The following NRXN1 variants were observed in gnomAD, a reference collection of about 807,000 sequenced individuals.
NRXN1 encodes neurexin 1, also known as neurexin-1.
NRXN1 carries 39 observed loss-of-function variants against 150.9 expected under a neutral mutation model. The observed-to-expected ratio is 0.26, with a 90% confidence interval of 0.20 to 0.34. The LOEUF (loss-of-function observed/expected upper bound fraction) is 0.34, where lower values mean the gene tolerates loss of function less well. Among genes scored for constraint, NRXN1 ranks in the 10% least tolerant of loss-of-function variants. The pLI, the probability that NRXN1 is intolerant of heterozygous loss-of-function variation, is 1.00. For synonymous variants in NRXN1, 924 were observed against 757.0 expected, an observed-to-expected ratio of 1.22 and a Z score of -3.62; for missense variants, 1,815 against 1,949.9, an observed-to-expected ratio of 0.93 and a Z score of 1.30.
At chr2:50,155,185 C>G (rs541142125) in intron 18 of NRXN1, among the ~76,000 whole-genome samples, 34 of 151,694 alleles carry the variant, frequency 2.2e-4, no homozygotes, top group Admixed American at 1.8e-3. Flanking sequence ...AAAGAAGACA[C>G]TAAAATACTA....
chr2:50,140,555 C>T (rs930353406), intron 18 of NRXN1, among the ~76,000 whole-genome samples: 10 of 152,092 alleles, frequency 6.6e-5, no homozygotes, highest in South Asian at 2.1e-4. Flanking sequence ...AAAGTATTGC[C>T]GACAGGAGAG....
intron 17 of NRXN1, among the ~76,000 whole-genome samples, chr2:50,422,330 C>T (rs542021147): frequency 6.6e-6 from 1 of 152,074 alleles, no homozygotes; most frequent in African/African-American, 2.4e-5. Flanking sequence ...AGAGTAAAAA[C>T]AAAGAAAAAC....
intron 5 of NRXN1, among the ~76,000 whole-genome samples, chr2:50,737,837 A>G (rs1393574490): frequency 6.6e-6 from 1 of 152,112 alleles, no homozygotes; most frequent in African/African-American, 2.4e-5. Context: ...TAGCCCAAAA[A>G]CATTACAACA....
intron 17 of NRXN1, among the ~76,000 whole-genome samples, chr2:50,317,932 T>C (rs1338296559): frequency 6.6e-6 from 1 of 151,976 alleles, no homozygotes; most frequent in Non-Finnish European, 1.5e-5. Flanking sequence ...AAGGTAGAGG[T>C]AGAAAAGTAT....
At chr2:50,529,587 AC>A (rs1463801914) in intron 11 of NRXN1, among the ~76,000 whole-genome samples, 1 of 152,240 alleles carries the variant, frequency 6.6e-6, no homozygotes, top group East Asian at 1.9e-4. Flanking sequence ...AAAAAAATAA[AC>A]CTAGATTCTG....
chr2:50,907,681 C>T (rs1457883484), intron 5 of NRXN1, among the ~76,000 whole-genome samples: 2 of 151,968 alleles, frequency 1.3e-5, no homozygotes, highest in African/African-American at 2.4e-5. Context: ...TGCAAGGTTA[C>T]TGGCTTTGAA....
intron 18 of NRXN1, among the ~76,000 whole-genome samples, chr2:50,134,938 A>C (rs1036310843): frequency 1.3e-5 from 2 of 152,218 alleles, no homozygotes; most frequent in Admixed American, 1.3e-4. Flanking sequence ...TAAAAATATG[A>C]GCAGACAGAT....
At chr2:50,210,035 T>C (rs1446055469) in intron 18 of NRXN1, among the ~76,000 whole-genome samples, 3 of 151,978 alleles carry the variant, frequency 2.0e-5, no homozygotes, top group African/African-American at 7.2e-5. Flanking sequence ...AAACCAAAAT[T>C]ATAATTACTT....
chr2:50,365,270 A>C (rs1254892945), intron 17 of NRXN1, among the ~76,000 whole-genome samples: 1 of 152,114 alleles, frequency 6.6e-6, no homozygotes, highest in African/African-American at 2.4e-5. Context: ...GTTGGTAATA[A>C]ATTCAGATTT....
intron 17 of NRXN1, among the ~76,000 whole-genome samples, chr2:50,402,661 G>GT (rs112419475): frequency 0.012 from 1,880 of 152,166 alleles, 44 homozygotes; most frequent in African/African-American, 0.041. Flanking sequence ...TGTGCATATT[G>GT]TTTTTTGTCT....
At chr2:50,306,784 G>A (rs1170131461) in intron 17 of NRXN1, among the ~76,000 whole-genome samples, 1 of 152,174 alleles carries the variant, frequency 6.6e-6, no homozygotes, top group Non-Finnish European at 1.5e-5. Flanking sequence ...ATTCCAGAGT[G>A]TTGGCTTAGA....
At chr2:50,403,087 T>G (rs1167561633) in intron 17 of NRXN1, among the ~76,000 whole-genome samples, 1 of 152,122 alleles carries the variant, frequency 6.6e-6, no homozygotes, top group East Asian at 1.9e-4. Flanking sequence ...GCATGGTTGC[T>G]GAGCTATCAG....
chr2:50,815,058 G>A (rs1032362401), intron 5 of NRXN1, among the ~76,000 whole-genome samples: 3 of 152,048 alleles, frequency 2.0e-5, no homozygotes, highest in African/African-American at 7.2e-5. Context: ...CAGATGAACT[G>A]ACATACTCTT....
At chr2:50,181,535 T>C (rs2152811341) in intron 18 of NRXN1, among the ~76,000 whole-genome samples, 1 of 152,210 alleles carries the variant, frequency 6.6e-6, no homozygotes, top group East Asian at 1.9e-4. Context: ...TGGGCCTCCT[T>C]TGCCTCACTG....
chr2:50,694,414 C>T (rs2104905246), intron 5 of NRXN1, among the ~76,000 whole-genome samples: 1 of 152,246 alleles, frequency 6.6e-6, no homozygotes, highest in East Asian at 1.9e-4. Context: ...CAGTCAACTT[C>T]TAAGCTGTAT....
At chr2:50,408,871 C>CAT (rs2082948177) in intron 17 of NRXN1, among the ~76,000 whole-genome samples, 1 of 151,244 alleles carries the variant, frequency 6.6e-6, no homozygotes, top group Admixed American at 6.6e-5. Flanking sequence ...CTCTCTCTCT[C>CAT]TCTCATATTT....
At chr2:50,896,238 AT>A (rs1383083551) in intron 5 of NRXN1, among the ~76,000 whole-genome samples, 3 of 152,164 alleles carry the variant, frequency 2.0e-5, no homozygotes, top group Non-Finnish European at 4.4e-5. Context: ...AGAAAAAAAA[AT>A]AACTCAGATA....
intron 15 of NRXN1, among the ~76,000 whole-genome samples, chr2:50,490,764 C>G (rs975876622): frequency 1.3e-5 from 2 of 151,952 alleles, no homozygotes; most frequent in African/African-American, 4.8e-5. Context: ...CATGTGTATC[C>G]GAGGGAAAAA....
At chr2:50,837,815 T>C (rs1672320352) in intron 5 of NRXN1, among the ~76,000 whole-genome samples, 1 of 152,164 alleles carries the variant, frequency 6.6e-6, no homozygotes, top group Admixed American at 6.5e-5. Flanking sequence ...GTATTCCTTA[T>C]ACAAAAATAA....
Sources: gnomAD v4.1 joint callset for allele counts (sites outside exome capture counted in the v4.1 genomes callset) on GRCh38, gnomAD v4.1.1 for gene constraint, MANE v1.5 for transcripts, NCBI Gene and HGNC (gene_info 2026-07-23, HGNC 2026-07-21) for gene names.